Variants in OVOL2 observed in about 807,000 individuals in gnomAD.
The protein encoded by OVOL2 is transcription factor Ovo-like 2.
OVOL2 carries 13 observed loss-of-function variants against 18.1 expected under a neutral mutation model. The observed-to-expected ratio is 0.72, with a 90% CI of 0.47 to 1.14. The LOEUF is 1.14. Among genes scored for constraint, OVOL2 ranks in the 50% most tolerant of loss-of-function variants. OVOL2 has a pLI of 0.00. For missense variants in OVOL2, 335 were observed against 383.0 expected (o/e 0.87, Z 1.05); for synonymous variants, 166 against 162.7 (o/e 1.02, Z -0.16).
Position 18,057,606 on chromosome 20 carries a change from C to A in OVOL2, c.29G>T (p.Arg10Met). The A allele has an allele frequency of 6.3e-7, 1 of 1,593,882 alleles. No homozygotes were observed. Among genetic ancestry groups the A allele is most frequent in the Non-Finnish European group, 8.5e-7 (1 of 1,169,862 alleles). The change falls in exon 1 of 4, where the codon AGG (arginine) becomes ATG (methionine). Residue 10 changes from arginine to methionine, a missense_variant. By Grantham distance (91) the Arg-to-Met change is moderately conservative (BLOSUM62 -1). Transcript: ENST00000278780. The surrounding 1 kb of genome is among the most constrained non-coding windows in gnomAD (Gnocchi z 6.3). MPKVFLVKR[R>M]SLGVSVRSWD... The stretch of plus-strand genomic sequence containing the variant: ...GCTGCGGACCGAGACCCCCAGGCTC[C>A]TCCTCTTCACCAGGAAGACTTTGGG...
At chr20:18,036,467 A>G (rs1206346008) in intron 3 of OVOL2, among the ~76,000 whole-genome samples, 1 of 152,120 alleles carries the variant, frequency 6.6e-6, no homozygotes, top group African/African-American at 2.4e-5. Context: ...GCACACCTCT[A>G]GGTTTTTCAC....
chr20:18,043,579 C>G (rs6075278), intron 2 of OVOL2, among the ~76,000 whole-genome samples: 30,021 of 152,162 alleles, frequency 0.2, 3,228 homozygotes, highest in Non-Finnish European at 0.25. Context: ...GTCGCCCCCA[C>G]TAACACTACC....
chr20:18,048,258 G>C (rs1205732980), intron 2 of OVOL2, among the ~76,000 whole-genome samples: 1 of 151,956 alleles, frequency 6.6e-6, no homozygotes, highest in Non-Finnish European at 1.5e-5. Flanking sequence ...CTGCATTCCA[G>C]CCTCAGCCAT....
intron 3 of OVOL2, among the ~76,000 whole-genome samples, chr20:18,030,962 A>G (rs2122692609): frequency 6.6e-6 from 1 of 152,262 alleles, no homozygotes; most frequent in East Asian, 1.9e-4. Context: ...CCACACATTC[A>G]GGGGGACGTG....
intron 3 of OVOL2, among the ~76,000 whole-genome samples, chr20:18,040,122 C>A (rs1284820629): frequency 6.6e-6 from 1 of 152,100 alleles, no homozygotes; most frequent in African/African-American, 2.4e-5. Flanking sequence ...GACAGTCTTT[C>A]GATGTTGCCC....
intron 2 of OVOL2, among the ~76,000 whole-genome samples, chr20:18,050,331 T>C (rs1309757036): frequency 6.6e-6 from 1 of 152,200 alleles, no homozygotes; most frequent in Non-Finnish European, 1.5e-5. Context: ...CACTTTGCCA[T>C]GGCAGATGCA....
At chr20:18,037,575 A>T (rs1030360585) in intron 3 of OVOL2, among the ~76,000 whole-genome samples, 13 of 152,192 alleles carry the variant, frequency 8.5e-5, no homozygotes, top group African/African-American at 3.1e-4. Context: ...CCCTTAGCAG[A>T]TCGCCAGGCA....
At chr20:18,030,195 T>C (rs2036555571) in intron 3 of OVOL2, among the ~76,000 whole-genome samples, 1 of 152,186 alleles carries the variant, frequency 6.6e-6, no homozygotes, top group Non-Finnish European at 1.5e-5. Context: ...TGCACTGTAA[T>C]GCAGACTTTG....
Position 18,057,692 on chromosome 20 carries a change from C to T in OVOL2, c.-58G>A, listed in dbSNP as rs1383262236. ...CCTCCCGGCTGCTCCCCGCTAGGGGCAACGGCGGCGGCTCCGTCCCCGGCT... is the reference window on the plus strand; with the variant it reads ...CCTCCCGGCTGCTCCCCGCTAGGGGTAACGGCGGCGGCTCCGTCCCCGGCT... On this transcript the variant is annotated 5_prime_UTR_variant, in exon 1 of 4. Coordinates refer to ENST00000278780, the MANE Select transcript of OVOL2 (RefSeq NM_021220.4). This position sits in a 1 kb window ranked among gnomAD's most constrained non-coding sequence, Gnocchi z 6.3. 3 of 1,498,476 alleles carry T rather than the reference C, an allele frequency of 2.0e-6. No individual in the cohort carries two copies. The highest frequency in any genetic ancestry group is 1.3e-5 in the South Asian group (1 of 78,124). 92.8% of individuals were successfully genotyped at this position (1,498,476 alleles called of 1,614,324 possible). A position where few individuals can be genotyped will look rare whatever the true frequency, so the allele number is the denominator to read the frequency against.
chr20:18,027,375 A>G (rs1426567438), intron 3 of OVOL2, among the ~76,000 whole-genome samples: 1 of 151,886 alleles, frequency 6.6e-6, no homozygotes, highest in Non-Finnish European at 1.5e-5. Flanking sequence ...TAAAGATACA[A>G]AAATTAGCTG....
At chr20:18,038,302 C>T (rs1391310633) in intron 3 of OVOL2, among the ~76,000 whole-genome samples, 1 of 152,194 alleles carries the variant, frequency 6.6e-6, no homozygotes, top group Non-Finnish European at 1.5e-5. Flanking sequence ...TTACTACGCA[C>T]TTACAATATA....
chr20:18,034,116 G>A (rs1376137047), intron 3 of OVOL2, among the ~76,000 whole-genome samples: 7 of 152,122 alleles, frequency 4.6e-5, no homozygotes, highest in Admixed American at 4.6e-4. Context: ...AGTGGCTGCT[G>A]CTGGCTTCCC....
chr20:18,046,325 C>T (rs1206669377), intron 2 of OVOL2, among the ~76,000 whole-genome samples: 3 of 152,210 alleles, frequency 2.0e-5, no homozygotes, highest in East Asian at 3.9e-4. Context: ...TGTGAAAAAA[C>T]GGTGGCAGAA....
chr20:18,042,503 G>A (rs925190999), intron 2 of OVOL2, among the ~76,000 whole-genome samples: 5 of 151,972 alleles, frequency 3.3e-5, no homozygotes, highest in Non-Finnish European at 5.9e-5. Context: ...GTGGCCAGGC[G>A]CGGCGTCTCA....
chr20:18,056,482 G>A lies in OVOL2; in HGVS notation c.321+175C>T, dbSNP rs1394264066. 6.6e-6 allele frequency among the ~76,000 whole-genome samples: 1 copy of A among 151,130 alleles called. No homozygotes were observed. The highest frequency in any genetic ancestry group is 6.6e-5 in the Admixed American group (1 of 15,156). Reference sequence around the variant, plus strand: ...GCAGCTACCCTGCGGGCGGGAGGACGCGCCGAGGCGCCCTGGCCGCCGCCC... The same window carrying A: ...GCAGCTACCCTGCGGGCGGGAGGACACGCCGAGGCGCCCTGGCCGCCGCCC... On this transcript the variant is annotated intron_variant, in intron 2 of 3. Transcript: ENST00000278780. This position sits in a 1 kb window ranked among gnomAD's most constrained non-coding sequence, Gnocchi z 4.2.
intron 2 of OVOL2, among the ~76,000 whole-genome samples, chr20:18,045,671 A>C (rs927558181): frequency 1.3e-5 from 2 of 152,082 alleles, no homozygotes; most frequent in African/African-American, 2.4e-5. Flanking sequence ...TAGAGATAGA[A>C]TCTCACTATG....
chr20:18,050,309 G>A (rs2036761201), intron 2 of OVOL2, among the ~76,000 whole-genome samples: 1 of 152,170 alleles, frequency 6.6e-6, no homozygotes. Context: ...CAGGCAAGAG[G>A]CAATTGTTTT....
At chr20:18,032,868 T>C (rs1478241773) in intron 3 of OVOL2, among the ~76,000 whole-genome samples, 1 of 152,240 alleles carries the variant, frequency 6.6e-6, no homozygotes, top group African/African-American at 2.4e-5. Context: ...AAAAATTAAA[T>C]GGTGGAACTG....
chr20:18,028,261 CCGCTT>C (rs2036537562), intron 3 of OVOL2, among the ~76,000 whole-genome samples: 1 of 152,010 alleles, frequency 6.6e-6, no homozygotes, highest in South Asian at 2.1e-4. Flanking sequence ...ACTGCAACCT[CCGCTT>C]CCCTAGTTCA....
Sources: gnomAD v4.1 joint callset for allele counts (sites outside exome capture counted in the v4.1 genomes callset) on GRCh38, gnomAD v4.1.1 for gene constraint, Gnocchi (gnomAD v3.1) non-coding constraint, MANE v1.5 for transcripts, NCBI Gene and HGNC (gene_info 2026-07-23, HGNC 2026-07-21) for gene names.